The following KIAA0753 variants were observed in gnomAD, a reference collection of about 807,000 sequenced individuals.
KIAA0753 encodes KIAA0753, also known as protein moonraker.
Under a neutral mutation model 116.9 loss-of-function variants are expected in KIAA0753, and 114 were observed. The ratio of observed to expected loss-of-function variants is 0.98; its 90% CI spans 0.84 to 1.14. The LOEUF is 1.14. Ranked by LOEUF, KIAA0753 falls within the 50% of genes most tolerant of loss-of-function variation. The probability of loss-of-function intolerance (pLI) is 0.00; values close to 1 mark genes in which losing one functional copy is unlikely to be tolerated. For missense variants in KIAA0753, 1,156 were observed against 1,172.4 expected (o/e 0.99, Z 0.20); for synonymous variants, 405 against 413.1 (o/e 0.98, Z 0.24).
intron 15 of KIAA0753, among the ~76,000 whole-genome samples, chr17:6,595,914 C>G (rs184208686): frequency 3.4e-4 from 52 of 152,294 alleles, no homozygotes; most frequent in Middle Eastern, 3.4e-3. Flanking sequence ...TAATAATGGT[C>G]ACTTACTGGA....
chr17:6,611,367 C>T (rs1970533464), intron 8 of KIAA0753, among the ~76,000 whole-genome samples: 2 of 151,764 alleles, frequency 1.3e-5, no homozygotes, highest in South Asian at 4.1e-4. Context: ...GTGGATCGAT[C>T]ACAGCTCACT....
rs1286595214 is a variant in KIAA0753, at chr17:6,590,578, T to A, written c.2493A>T (p.Arg831Ser). ...SEKPLSPHPI[R>S]ITKTVDRKDP... ...CCTTGCGATCCACTGTCTTCGTGAT[T>A]CTGATTGGATGAGGAGATAGAGGCT... Residue 831 changes from arginine (R) to serine (S), a missense_variant, in exon 17 of 19, where the codon AGA becomes AGT. Physicochemically the swap from Arg to Ser is moderately radical, Grantham distance 110. Transcript: ENST00000361413. The A allele has an allele frequency of 1.2e-5, 19 of 1,613,950 alleles. No homozygotes were observed. Among genetic ancestry groups the A allele is most frequent in the Non-Finnish European group, 1.5e-5 (18 of 1,179,954 alleles).
At chr17:6,638,721 G>T in intron 1 of KIAA0753, 1 of 153,662 alleles carries the variant, frequency 6.5e-6, no homozygotes, top group Non-Finnish European at 1.4e-5. Flanking sequence ...CGTCCCACAG[G>T]CCCAGGCCCC....
intron 7 of KIAA0753, among the ~76,000 whole-genome samples, chr17:6,615,782 G>T (rs902000904): frequency 2.0e-4 from 30 of 152,282 alleles, no homozygotes; most frequent in African/African-American, 7.2e-4. Context: ...GACACTGCTG[G>T]TGGTGGGAAG....
chr17:6,582,679 T>C (rs1968267375), intron 18 of KIAA0753, among the ~76,000 whole-genome samples: 1 of 152,248 alleles, frequency 6.6e-6, no homozygotes, highest in African/African-American at 2.4e-5. Context: ...TCTTCTTTCT[T>C]GGTTTCCTTT....
chr17:6,614,507 T>TGGGG (rs34769605), intron 7 of KIAA0753, among the ~76,000 whole-genome samples: 1 of 147,204 alleles, frequency 6.8e-6, no homozygotes. Flanking sequence ...CAAGCATAAG[T>TGGGG]GGGGGGGGGT....
intron 1 of KIAA0753, chr17:6,638,151 G>A (rs1972451689): frequency 6.6e-6 from 1 of 152,114 alleles, no homozygotes; most frequent in Admixed American, 6.6e-5. Flanking sequence ...CCCGAGCCAC[G>A]TGTCCCCCTG....
At chr17:6,591,800 CAG>C (rs1488687966) in intron 16 of KIAA0753, among the ~76,000 whole-genome samples, 1 of 152,240 alleles carries the variant, frequency 6.6e-6, no homozygotes, top group African/African-American at 2.4e-5. Flanking sequence ...GGCTTCCACA[CAG>C]AAAGATGCTA....
At chr17:6,592,803 T>C (rs1034562548) in intron 16 of KIAA0753, among the ~76,000 whole-genome samples, 1 of 152,208 alleles carries the variant, frequency 6.6e-6, no homozygotes, top group East Asian at 1.9e-4. Context: ...AAGAAAGAAT[T>C]GATGTTAGAC....
chr17:6,602,396 G>A (rs896480659), intron 12 of KIAA0753, among the ~76,000 whole-genome samples: 5 of 152,206 alleles, frequency 3.3e-5, no homozygotes, highest in Admixed American at 1.3e-4. Flanking sequence ...TGAACAAACA[G>A]AATGTGGTAT....
chr17:6,629,428 A>G (rs937834473), intron 2 of KIAA0753, among the ~76,000 whole-genome samples: 1 of 152,256 alleles, frequency 6.6e-6, no homozygotes. Flanking sequence ...TAATGTTAAT[A>G]TTAAACATTT....
chr17:6,586,826 GA>G lies in KIAA0753; in HGVS notation c.2786+2952del, dbSNP rs1293064416. On this transcript the variant is annotated intron_variant, in intron 18 of 18. Transcript: ENST00000361413. ...ATAAAGAGGAATAAAGACATTAAAAGAAAGGAAAAAACTCAGCTTTCTCCTT... is the reference window on the plus strand; with the variant it reads ...ATAAAGAGGAATAAAGACATTAAAAGAAGGAAAAAACTCAGCTTTCTCCTT... 7.9e-5 allele frequency among the ~76,000 whole-genome samples: 12 copies of G among 152,268 alleles called. No individual in the cohort carries two copies. The East Asian group carries it at 2.1e-3, about 27-fold the overall frequency.
chr17:6,595,212 G>A (rs1273011147), intron 15 of KIAA0753, among the ~76,000 whole-genome samples, 159 bp from the exon 16 acceptor site: 3 of 152,184 alleles, frequency 2.0e-5, no homozygotes, highest in Non-Finnish European at 2.9e-5. Context: ...TTCATGAGAC[G>A]AAGTCTAAAA....
intron 3 of KIAA0753, among the ~76,000 whole-genome samples, chr17:6,626,840 T>C (rs58253738): frequency 0.024 from 3,598 of 152,222 alleles, 156 homozygotes; most frequent in African/African-American, 0.081. Context: ...CACAGAGACT[T>C]TGAAAGCTCT....
rs755537723 is a variant in KIAA0753, at chr17:6,599,239, C to G, written c.2170G>C (p.Glu724Gln). 1 of 1,610,886 alleles carries G rather than the reference C, an allele frequency of 6.2e-7. No homozygotes were observed. The highest frequency in any genetic ancestry group is 8.5e-7 in the Non-Finnish European group (1 of 1,177,116). The change falls in exon 14 of 19, where the codon GAG becomes CAG. Residue 724 changes from glutamate (E) to glutamine (Q), a missense_variant and splice_region_variant. Coordinates refer to ENST00000361413, the MANE Select transcript of KIAA0753 (RefSeq NM_014804.3). Reference sequence around the variant, plus strand: ...TGCCAATATCACACAACGCATACCTCCTGTGCAGGCTGGGCTTTCGCTGTG... The same window carrying G: ...TGCCAATATCACACAACGCATACCTGCTGTGCAGGCTGGGCTTTCGCTGTG... ...VNTAKAQPAQ[E>Q]VAAVDFESNN... is the part of the protein sequence containing the mutation.
At chr17:6,617,675 C>G (rs1204225875) in intron 7 of KIAA0753, among the ~76,000 whole-genome samples, 1 of 152,192 alleles carries the variant, frequency 6.6e-6, no homozygotes, top group Non-Finnish European at 1.5e-5. Context: ...TGGATGGGAG[C>G]TGGTCACCAG....
At position 6,622,872 on chromosome 17, in the gene KIAA0753, A is replaced by C. The variant is rs1971419360; in HGVS notation, c.1104+10T>G. 1 of 1,605,878 alleles carries C rather than the reference A, an allele frequency of 6.2e-7. No homozygotes were observed. Among genetic ancestry groups the C allele is most frequent in the Admixed American group, 1.7e-5 (1 of 59,934 alleles). ...TGCACCTCTAACAAAAATTGGAATTAATTCCATACCTCAATTTGTTGCAGA... is the reference window on the plus strand; with the variant it reads ...TGCACCTCTAACAAAAATTGGAATTCATTCCATACCTCAATTTGTTGCAGA... On this transcript the variant is annotated intron_variant, in intron 6 of 18. Transcript: ENST00000361413.
chr17:6,580,300 A>G (rs934324800), intron 18 of KIAA0753, among the ~76,000 whole-genome samples: 5 of 146,662 alleles, frequency 3.4e-5, no homozygotes, highest in African/African-American at 1.3e-4. Context: ...TCAGAAGGCC[A>G]AGAACAGCCA....
At chr17:6,605,500 G>C (rs1970137933) in intron 12 of KIAA0753, among the ~76,000 whole-genome samples, 1 of 152,164 alleles carries the variant, frequency 6.6e-6, no homozygotes, top group South Asian at 2.1e-4. Context: ...AATCAGATTA[G>C]GATCCAGGCT....
Sources: gnomAD v4.1 joint callset for allele counts (sites outside exome capture counted in the v4.1 genomes callset) on GRCh38, gnomAD v4.1.1 for gene constraint, MANE v1.5 for transcripts, NCBI Gene and HGNC (gene_info 2026-07-23, HGNC 2026-07-21) for gene names.